The following GSTA2 variants were observed in gnomAD, a reference collection of about 807,000 sequenced individuals.
GSTA2 encodes glutathione S-transferase alpha 2.
Under a neutral mutation model 22.4 loss-of-function variants are expected in GSTA2, and 27 were observed. The ratio of observed to expected loss-of-function variants is 1.21; its 90% CI spans 0.89 to 1.67. The LOEUF (loss-of-function observed/expected upper bound fraction) is 1.67, where lower values mean the gene tolerates loss of function less well. GSTA2 is among the 40% of genes most tolerant of loss of function. GSTA2 has a pLI of 0.00. For synonymous variants in GSTA2, 121 were observed against 86.8 expected, an observed-to-expected ratio of 1.39 and a Z score of -2.19; for missense variants, 302 against 260.2, an observed-to-expected ratio of 1.16 and a Z score of -1.11.
rs185751878 is a variant in GSTA2, at chr6:52,762,788, C to G, written c.-31+656G>C. On this transcript the variant is annotated intron_variant, in intron 1 of 6. Transcript: ENST00000493422. ...ACACCCACAGGTGTGGAGGGGCAGG[C>G]CACCCCTTCAGGGATGCTTAGAAAT... Among the ~76,000 whole-genome samples, 749 of 152,318 alleles carry G rather than the reference C, an allele frequency of 4.9e-3. 7 individuals carry two copies. Among genetic ancestry groups the G allele is most frequent in the Middle Eastern group, 0.017 (5 of 294 alleles).
intron 2 of GSTA2, among the ~76,000 whole-genome samples, chr6:52,757,082 C>G (rs1273081010): frequency 1.6e-5 from 2 of 128,092 alleles, no homozygotes; most frequent in Non-Finnish European, 3.3e-5. Context: ...GTCTTGTTCA[C>G]TATCTCCATG....
intron 5 of GSTA2, among the ~76,000 whole-genome samples, chr6:52,752,646 A>G (rs1439129683): frequency 3.3e-5 from 5 of 152,202 alleles, no homozygotes; most frequent in African/African-American, 1.2e-4. Context: ...GTAAATTAAA[A>G]TTTTACTGGA....
At chr6:52,751,388 ATTTCC>A (rs1343171137) in intron 6 of GSTA2, among the ~76,000 whole-genome samples, 184 bp downstream of exon 6, 1 of 152,174 alleles carries the variant, frequency 6.6e-6, no homozygotes, top group Admixed American at 6.5e-5. Flanking sequence ...TGCACTACAA[ATTTCC>A]TTTCCATAAC....
At chr6:52,760,268 G>T (rs1420812805) in intron 1 of GSTA2, among the ~76,000 whole-genome samples, 1 of 152,168 alleles carries the variant, frequency 6.6e-6, no homozygotes, top group Admixed American at 6.6e-5. Flanking sequence ...AAAAGGAAGT[G>T]AAATTTTATC....
rs780064985 is a variant in GSTA2 at position 52,757,955 on chromosome 6, G to C, written c.-8C>G. The C allele has an allele frequency of 1.7e-4, 268 of 1,603,040 alleles. No individual in the cohort carries two copies. Among genetic ancestry groups the C allele is most frequent in the Non-Finnish European group, 5.4e-5 (63 of 1,170,192 alleles). On this transcript the variant is annotated 5_prime_UTR_variant, in exon 2 of 7. Coordinates refer to ENST00000493422, the MANE Select transcript of GSTA2 (RefSeq NM_000846.5). ...CTTGGGCTTCTCTGCCATGGTAGCA[G>C]TCTCCTGGAGGTTTCTCTAAGCCTG...
rs1561897457 is a variant in GSTA2 at position 52,759,581 on chromosome 6, T to TG, written c.-30-1605_-30-1604insC. Among the ~76,000 whole-genome samples, 206 of 121,616 alleles carry TG rather than the reference T, an allele frequency of 1.7e-3. 2 individuals are homozygous for TG. Among genetic ancestry groups the TG allele is most frequent in the African/African-American group, 6.4e-3 (192 of 29,804 alleles). The allele number at this position is 121,616 out of a possible 152,430, so 79.8% of individuals were successfully genotyped here. ...TTTATTTGTTTTTTTTTTTTTTTTT[T>TG]TTTTTTTTTTTTTTTTTTTTGAGAC... On this transcript the variant is annotated intron_variant, in intron 1 of 6. Coordinates refer to ENST00000493422, the MANE Select transcript of GSTA2 (RefSeq NM_000846.5).
rs1180826983 is a variant in GSTA2 at position 52,751,593 on chromosome 6, C to T, written c.530G>A (p.Ser177Asn). 6.2e-7 allele frequency: 1 copy of T among 1,614,034 alleles called. No homozygotes were observed. The highest frequency in any genetic ancestry group is 1.7e-5 in the Admixed American group (1 of 60,018). Residue 177 changes from serine (S) to asparagine (N), a missense_variant, in exon 6 of 7, where the codon AGC (serine) becomes AAC (asparagine). Ser to Asn is a conservative substitution (Grantham distance 46, BLOSUM62 1). Transcript: ENST00000493422. ...VEELDSSLIS[S>N]FPLLKALKTR... ...ATGGGTCACCTTCAGCAGAGGGAAG[C>T]TGGAAATAAGGCTAGAGTCAAGCTC...
At chr6:52,758,501 G>T (rs556435922) in intron 1 of GSTA2, among the ~76,000 whole-genome samples, 1 of 152,152 alleles carries the variant, frequency 6.6e-6, no homozygotes, top group Admixed American at 6.6e-5. Context: ...AATCATGCCT[G>T]GAAGCCAGCT....
At position 52,762,432 on chromosome 6, in the gene GSTA2, C is replaced by T. The variant is rs192697171; in HGVS notation, c.-31+1012G>A. The stretch of plus-strand genomic sequence containing the variant: ...TAAGGCTGGAGGTGAGACATGCTGG[C>T]GGCAATACTGCTCTTTAATGCACCA... On this transcript the variant is annotated intron_variant, in intron 1 of 6. Transcript: ENST00000493422. Among the ~76,000 whole-genome samples the T allele has an allele frequency of 1.9e-3, 283 of 152,274 alleles. 5 individuals are homozygous for T. Among genetic ancestry groups the T allele is most frequent in the Admixed American group, 0.017 (265 of 15,302 alleles).
At chr6:52,758,056 A>G (rs895685673) in intron 1 of GSTA2, 79 bp from the exon 2 acceptor site, 2 of 828,204 alleles carry the variant, frequency 2.4e-6, no homozygotes, top group African/African-American at 3.4e-5. Context: ...ATGGTTGAAA[A>G]CCACAAACAA....
At chr6:52,750,808 G>C in intron 6 of GSTA2, 109 bp from the exon 7 acceptor site, 1 of 1,370,748 alleles carries the variant, frequency 7.3e-7, no homozygotes, top group Non-Finnish European at 1.0e-6. Context: ...CAAGTGAGTC[G>C]CTTCCACTTG....
intron 1 of GSTA2, among the ~76,000 whole-genome samples, chr6:52,763,201 C>T (rs1267401281): frequency 1.3e-5 from 2 of 152,000 alleles, no homozygotes; most frequent in Non-Finnish European, 2.9e-5. Flanking sequence ...TCATTGTTTC[C>T]CATACCTTTA....
Position 52,752,971 on chromosome 6 carries a change from T to A in GSTA2, c.297A>T (p.Ile99=). ...GAAGGATCATTTCACCCAAATCTGCTATACCTTCTATATACATATCAATCC... is the reference window on the plus strand; with the variant it reads ...GAAGGATCATTTCACCCAAATCTGCAATACCTTCTATATACATATCAATCC... ...KALIDMYIEG[I]ADLGEMILLL... The change falls in exon 5 of 7, where the codon ATA becomes ATT. Residue 99 remains isoleucine, a synonymous_variant. Transcript: ENST00000493422. 1 of 1,612,938 alleles carries A rather than the reference T, an allele frequency of 6.2e-7. No homozygotes were observed. The highest frequency in any genetic ancestry group is 8.5e-7 in the Non-Finnish European group (1 of 1,179,092).
At chr6:52,754,253 G>A (rs561901450) in intron 4 of GSTA2, among the ~76,000 whole-genome samples, 1 of 152,280 alleles carries the variant, frequency 6.6e-6, no homozygotes, top group Non-Finnish European at 1.5e-5. Context: ...TAGAGGAACT[G>A]CTGGGTCATC....
In GSTA2 at chr6:52,762,971, T is replaced by C. The variant is rs112614189; in HGVS notation, c.-31+473A>G. Among the ~76,000 whole-genome samples the C allele has an allele frequency of 6.8e-4, 103 of 152,348 alleles. 1 individual carries two copies. Among genetic ancestry groups the C allele is most frequent in the African/African-American group, 2.4e-3 (98 of 41,586 alleles). On this transcript the variant is annotated intron_variant, in intron 1 of 6. Coordinates refer to ENST00000493422, the MANE Select transcript of GSTA2 (RefSeq NM_000846.5). ...CGTCGAGCTAATTAGTGGCAGAGGC[T>C]CAACTAGAATCTAGTCCTCCTAACA...
Position 52,753,996 on chromosome 6 carries a change from G to C in GSTA2, c.272+947C>G, listed in dbSNP as rs72506322. 2.0e-4 allele frequency among the ~76,000 whole-genome samples: 30 copies of C among 152,180 alleles called. No individual in the cohort carries two copies. The East Asian group carries it at 4.1e-3, about 21-fold the overall frequency. On this transcript the variant is annotated intron_variant, in intron 4 of 6. Transcript: ENST00000493422. The stretch of plus-strand genomic sequence containing the variant: ...TATAATATGTGGCCTTCTGTGTCTC[G>C]TGTATTTTATGTAACATGTCTTTAT...
At chr6:52,760,503 C>T (rs943456954) in intron 1 of GSTA2, among the ~76,000 whole-genome samples, 5 of 152,094 alleles carry the variant, frequency 3.3e-5, no homozygotes, top group African/African-American at 1.2e-4. Flanking sequence ...TCTGCAACAA[C>T]CCTGGGAAAT....
chr6:52,753,155 T>C (rs2749002), intron 4 of GSTA2, among the ~76,000 whole-genome samples, 160 bp from the exon 5 acceptor site: 25,315 of 149,092 alleles, frequency 0.17, 4,218 homozygotes, highest in African/African-American at 0.46. Flanking sequence ...TTTACAGGTA[T>C]ATAGTCATTA....
At chr6:52,752,635 A>G (rs1272993466) in intron 5 of GSTA2, among the ~76,000 whole-genome samples, 1 of 152,264 alleles carries the variant, frequency 6.6e-6, no homozygotes, top group Non-Finnish European at 1.5e-5. Context: ...ATTGGGGTTC[A>G]GTAAATTAAA....
Sources: allele counts gnomAD v4.1 joint callset (sites outside exome capture counted in the v4.1 genomes callset), GRCh38; gene constraint gnomAD v4.1.1; transcripts MANE v1.5; gene names NCBI Gene and HGNC (gene_info 2026-07-23, HGNC 2026-07-21).